TRPM3: variants seen among roughly 807,000 people sequenced by gnomAD.
The protein encoded by TRPM3 is transient receptor potential cation channel subfamily M member 3, also known as long transient receptor potential channel 3.
A neutral mutation model predicts 181.2 loss-of-function variants in TRPM3; 77 were observed. The observed-to-expected ratio is 0.42, with a 90% confidence interval of 0.35 to 0.51. The LOEUF (loss-of-function observed/expected upper bound fraction) is 0.51. Among genes scored for constraint, TRPM3 ranks in the 20% least tolerant of loss-of-function variants. The probability of loss-of-function intolerance (pLI) is 0.01; values close to 1 mark genes in which losing one functional copy is unlikely to be tolerated. For missense variants in TRPM3, 1,759 were observed against 2,196.7 expected, an observed-to-expected ratio of 0.80 and a Z score of 3.98; for synonymous variants, 745 against 796.4, an observed-to-expected ratio of 0.94 and a Z score of 1.09.
chr9:70,540,231 A>T, intron 25 of TRPM3, among the ~76,000 whole-genome samples: 1 of 152,236 alleles, frequency 6.6e-6, no homozygotes, highest in African/African-American at 2.4e-5. Context: ...TTTGCTTAAC[A>T]TACTTTAGGT....
intron 1 of TRPM3, among the ~76,000 whole-genome samples, chr9:71,370,154 G>A (rs947131997): frequency 6.6e-6 from 1 of 151,912 alleles, no homozygotes; most frequent in African/African-American, 2.4e-5. Flanking sequence ...TTCCCTCTCC[G>A]TGGGCCTGTC....
chr9:71,272,550 G>T (rs2083883424), intron 1 of TRPM3, among the ~76,000 whole-genome samples: 1 of 152,068 alleles, frequency 6.6e-6, no homozygotes, highest in South Asian at 2.1e-4. Flanking sequence ...AGATGAAACA[G>T]ACTCAGAGGT....
intron 1 of TRPM3, among the ~76,000 whole-genome samples, chr9:71,211,659 C>T (rs1450097811): frequency 2.6e-5 from 4 of 152,128 alleles, no homozygotes; most frequent in Non-Finnish European, 5.9e-5. Flanking sequence ...CTTTGGCATG[C>T]CTTGGCTTGC....
intron 1 of TRPM3, among the ~76,000 whole-genome samples, chr9:70,994,241 G>A (rs944281686): frequency 6.6e-6 from 1 of 152,092 alleles, no homozygotes; most frequent in Non-Finnish European, 1.5e-5. Context: ...ACTAAATATT[G>A]TATAAAATCC....
chr9:71,418,833 T>G (rs1192099761), intron 1 of TRPM3, among the ~76,000 whole-genome samples: 1 of 119,768 alleles, frequency 8.3e-6, no homozygotes, highest in Non-Finnish European at 1.9e-5. Context: ...ATATATCCTT[T>G]GAGATACTAT....
chr9:71,309,057 G>T (rs568352249), intron 1 of TRPM3, among the ~76,000 whole-genome samples: 7 of 152,166 alleles, frequency 4.6e-5, no homozygotes, highest in Non-Finnish European at 1.0e-4. Context: ...CATCGCAGGA[G>T]TGGCCTGAAG....
At chr9:71,136,981 A>T (rs10868957) in intron 1 of TRPM3, among the ~76,000 whole-genome samples, 4 of 151,958 alleles carry the variant, frequency 2.6e-5, no homozygotes, top group African/African-American at 9.7e-5. Flanking sequence ...TGTGCAGTAA[A>T]TGTAATCGGA....
chr9:71,195,696 T>A (rs1282844676), intron 1 of TRPM3, among the ~76,000 whole-genome samples: 3 of 152,074 alleles, frequency 2.0e-5, no homozygotes, highest in Non-Finnish European at 4.4e-5. Flanking sequence ...AGCAAAGATA[T>A]AGTATCAACC....
At chr9:70,953,856 C>A (rs528215856) in intron 1 of TRPM3, among the ~76,000 whole-genome samples, 1 of 152,272 alleles carries the variant, frequency 6.6e-6, no homozygotes, top group African/African-American at 2.4e-5. Context: ...AAGTCCAGAT[C>A]TCAGACCTCA....
intron 1 of TRPM3, among the ~76,000 whole-genome samples, chr9:70,948,448 A>G (rs1352524979): frequency 6.6e-6 from 1 of 152,166 alleles, no homozygotes; most frequent in South Asian, 2.1e-4. Context: ...TTAAACATAA[A>G]TCTTGAAAAA....
chr9:70,752,047 T>TGCGCGC (rs1419518557), intron 8 of TRPM3, among the ~76,000 whole-genome samples: 24 of 97,814 alleles, frequency 2.5e-4, no homozygotes, highest in South Asian at 8.5e-4. Context: ...TGTGTGTGTG[T>TGCGCGC]GTGCGCGCGC....
chr9:71,036,811 T>A (rs1359268966), intron 1 of TRPM3, among the ~76,000 whole-genome samples: 1 of 152,198 alleles, frequency 6.6e-6, no homozygotes, highest in Non-Finnish European at 1.5e-5. Flanking sequence ...CTTTGGGATG[T>A]CAACTAGGTG....
chr9:71,369,901 T>C (rs141183680), intron 1 of TRPM3, among the ~76,000 whole-genome samples: 3 of 152,312 alleles, frequency 2.0e-5, no homozygotes, highest in African/African-American at 4.8e-5. Flanking sequence ...CCCAACAGCA[T>C]GTGCTCACTT....
intron 1 of TRPM3, among the ~76,000 whole-genome samples, chr9:71,337,906 G>A (rs914665860): frequency 1.3e-5 from 2 of 152,048 alleles, no homozygotes; most frequent in Admixed American, 1.3e-4. Context: ...CACAGGGAGG[G>A]GAACATCACA....
At chr9:70,928,736 G>A (rs1410450770) in intron 1 of TRPM3, among the ~76,000 whole-genome samples, 1 of 152,176 alleles carries the variant, frequency 6.6e-6, no homozygotes, top group Non-Finnish European at 1.5e-5. Flanking sequence ...GTACAGAGGG[G>A]TGTGGTTGAA....
At chr9:70,790,957 A>C (rs1347930328) in intron 6 of TRPM3, among the ~76,000 whole-genome samples, 1 of 152,204 alleles carries the variant, frequency 6.6e-6, no homozygotes, top group East Asian at 1.9e-4. Flanking sequence ...ATTGAGGAGC[A>C]GAGTGAGCCC....
chr9:70,604,543 C>T (rs376901591), intron 19 of TRPM3, among the ~76,000 whole-genome samples: 4 of 152,178 alleles, frequency 2.6e-5, no homozygotes, highest in Non-Finnish European at 4.4e-5. Context: ...GGATTGAGGC[C>T]TTGAGGGGTC....
intron 1 of TRPM3, among the ~76,000 whole-genome samples, chr9:71,194,938 C>T (rs1382888439): frequency 2.6e-5 from 4 of 151,870 alleles, no homozygotes; most frequent in Non-Finnish European, 5.9e-5. Context: ...TTTCTAAGTA[C>T]GTCCTTAAGG....
intron 8 of TRPM3, among the ~76,000 whole-genome samples, chr9:70,745,263 A>C (rs1337681426): frequency 6.6e-6 from 1 of 152,164 alleles, no homozygotes; most frequent in Admixed American, 6.5e-5. Flanking sequence ...AGTATTGTAT[A>C]TTAAATGGCA....
Sources: gnomAD v4.1 joint callset for allele counts (sites outside exome capture counted in the v4.1 genomes callset) on GRCh38, gnomAD v4.1.1 for gene constraint, MANE v1.5 for transcripts, NCBI Gene and HGNC (gene_info 2026-07-23, HGNC 2026-07-21) for gene names.